Variants in CIBAR2 observed in about 807,000 individuals in gnomAD.
CIBAR2 encodes the protein CBY1 interacting BAR domain containing 2.
CIBAR2 carries 38 observed loss-of-function variants against 36.2 expected under a neutral mutation model. The ratio of observed to expected loss-of-function variants is 1.05; its 90% CI spans 0.81 to 1.38. CIBAR2 has a LOEUF of 1.38. CIBAR2 is among the 40% of genes most tolerant of loss of function. CIBAR2 has a pLI of 0.00. For missense variants in CIBAR2, 481 were observed against 383.4 expected (o/e 1.25, Z -2.13); for synonymous variants, 182 against 149.5 (o/e 1.22, Z -1.58).
At chr16:85,106,907 G>C (rs77381973) in intron 5 of CIBAR2, among the ~76,000 whole-genome samples, 2,895 of 152,230 alleles carry the variant, frequency 0.019, 27 homozygotes, top group Non-Finnish European at 0.027. Flanking sequence ...GCATGTTGGA[G>C]GCCTGAGGCA....
Position 85,103,198 on chromosome 16 carries a change from G to A in CIBAR2, c.538-871C>T, listed in dbSNP as rs150843741. On this transcript the variant is annotated intron_variant, in intron 6 of 8. Transcript: ENST00000539556. ...GATTAGTGCCCTTGTAAAAAAGACT[G>A]GAGGGAGCTTTTCTGCCCCTTCTGC... Among the ~76,000 whole-genome samples the A allele has an allele frequency of 7.4e-3, 1,126 of 152,280 alleles. 5 individuals carry two copies. The highest frequency in any genetic ancestry group is 0.022 in the South Asian group (104 of 4,826).
At position 85,102,468 on chromosome 16, in the gene CIBAR2, AT is replaced by A; in HGVS notation, c.538-142del. The A allele has an allele frequency of 9.7e-6, 6 of 617,492 alleles. No homozygotes were observed. The South Asian group carries it at 1.1e-4, about 12-fold the overall frequency. The allele number at this position is 617,492 out of a possible 1,614,324, so 38.3% of individuals were successfully genotyped here. ...CCCAGGTGGGGAGTTTCGACATGTT[AT>A]TTTAAACTTATTTTTCTTTCATAGA... On this transcript the variant is annotated intron_variant, in intron 6 of 8. Coordinates refer to ENST00000539556, the MANE Select transcript of CIBAR2 (RefSeq NM_198491.3).
Position 85,100,152 on chromosome 16 carries a change from GACTGAAGA to G in CIBAR2, c.732_739del (p.Leu245SerfsTer13). The G allele has an allele frequency of 6.2e-7, 1 of 1,610,354 alleles. No individual in the cohort carries two copies. Among genetic ancestry groups the G allele is most frequent in the Non-Finnish European group, 8.5e-7 (1 of 1,178,586 alleles). ...CCACACGCTCACCTGGCTGGCGAGA[GACTGAAGA>G]ACAGATGGAGGGGGGCTGGTGTTGG... is the stretch of plus-strand genomic sequence containing the variant. On this transcript the variant is annotated frameshift_variant, in exon 8 of 9. Transcript: ENST00000539556. LOFTEE classifies it low-confidence loss of function (END_TRUNC).
chr16:85,111,020 G>A (rs937993141), intron 1 of CIBAR2, among the ~76,000 whole-genome samples: 1 of 152,040 alleles, frequency 6.6e-6, no homozygotes, highest in Non-Finnish European at 1.5e-5. Flanking sequence ...TCACCTTTAA[G>A]GGCTCCCAAT....
intron 5 of CIBAR2, 35 bp from the exon 6 acceptor site, chr16:85,105,466 TG>T (rs2073989054): frequency 6.6e-7 from 1 of 1,516,200 alleles, no homozygotes; most frequent in Non-Finnish European, 9.2e-7. Flanking sequence ...GAAAGTGTCA[TG>T]GGGGTGCTTC....
intron 4 of CIBAR2, 51 bp from the exon 5 acceptor site, chr16:85,107,723 G>T (rs1405497961): frequency 1.2e-6 from 2 of 1,612,064 alleles, no homozygotes; most frequent in Non-Finnish European, 1.7e-6. Context: ...AGCCCCGTTG[G>T]GGTGGTCCGC....
At position 85,101,919 on chromosome 16, in the gene CIBAR2, C is replaced by T. The variant is rs556736561; in HGVS notation, c.651+295G>A. ...CTGACCTCAGGTGATCCGCCTACCT[C>T]GGCCTCCCAAAGTGCTGGGATTACG... On this transcript the variant is annotated intron_variant, in intron 7 of 8. Transcript: ENST00000539556. 3.3e-5 allele frequency among the ~76,000 whole-genome samples: 5 copies of T among 152,238 alleles called. No homozygotes were observed. In the South Asian group the frequency reaches 6.2e-4, roughly 19 times the overall value.
chr16:85,100,336 G>A (rs935824190), intron 7 of CIBAR2, 96 bp from the exon 8 acceptor site: 20 of 713,016 alleles, frequency 2.8e-5, no homozygotes, highest in East Asian at 5.6e-5. Flanking sequence ...GAGAAGGCCC[G>A]AGACAGCTAA....
chr16:85,107,675 G>A lies in CIBAR2; in HGVS notation c.427-3C>T. ...AGACATGTGACACTCACCTGGGACT[G>A]AAAAACGTGCTGTTAAGGAACCAAG... On this transcript the variant is annotated splice_region_variant and splice_polypyrimidine_tract_variant and intron_variant, in intron 4 of 8. Transcript: ENST00000539556. 1 of 1,613,986 alleles carries A rather than the reference G, an allele frequency of 6.2e-7. No homozygotes were observed. The highest frequency in any genetic ancestry group is 8.5e-7 in the Non-Finnish European group (1 of 1,179,950).
chr16:85,107,624 T>C (rs1372076723), intron 5 of CIBAR2, 43 bp downstream of exon 5: 1 of 1,608,674 alleles, frequency 6.2e-7, no homozygotes, highest in Admixed American at 1.7e-5. Flanking sequence ...GTGTATTTCC[T>C]ACGTGTGATT....
intron 5 of CIBAR2, 111 bp downstream of exon 5, chr16:85,107,556 G>T: frequency 8.2e-7 from 1 of 1,215,820 alleles, no homozygotes; most frequent in South Asian, 1.2e-5. Context: ...CTGAGCGCAA[G>T]GTCCTGCACA....
chr16:85,100,144 T>C lies in CIBAR2; in HGVS notation c.748A>G (p.Ser250Gly), dbSNP rs1161096504. The C allele has an allele frequency of 6.2e-7, 1 of 1,609,168 alleles. No individual in the cohort carries two copies. The highest frequency in any genetic ancestry group is 8.5e-7 in the Non-Finnish European group (1 of 1,177,980). ...TCACCCACCCACACGCTCACCTGGC[T>C]GGCGAGAGACTGAAGAACAGATGGA... is the stretch of plus-strand genomic sequence containing the variant. Reference protein sequence around the residue: ...PPPSVLQSLASQGTLQVQLSR... With the variant: ...PPPSVLQSLAGQGTLQVQLSR... Residue 250 changes from serine (S) to glycine (G), a missense_variant, in exon 8 of 9, where the codon AGC (serine) becomes GGC (glycine). Transcript: ENST00000539556.
rs772868767 is a variant in CIBAR2 at position 85,110,307 on chromosome 16, G to T, written c.174C>A (p.Asn58Lys). ...QLVKQLIDFA[N>K]SENPELRATM... ...TGGCCCGCAGCTCGGGGTTCTCGGA[G>T]TTGGCAAAGTCGATGAGCTGCTTGA... Residue 58 changes from asparagine (N) to lysine (K), a missense_variant, in exon 2 of 9, where the codon AAC becomes AAA. Asn to Lys is a moderately conservative substitution (Grantham distance 94, BLOSUM62 0). Coordinates refer to ENST00000539556, the MANE Select transcript of CIBAR2 (RefSeq NM_198491.3). The T allele has an allele frequency of 6.2e-7, 1 of 1,612,132 alleles. No individual in the cohort carries two copies. The highest frequency in any genetic ancestry group is 1.1e-5 in the South Asian group (1 of 90,922).
chr16:85,104,128 A>G (rs2144160916), intron 6 of CIBAR2, among the ~76,000 whole-genome samples: 1 of 152,346 alleles, frequency 6.6e-6, no homozygotes, highest in African/African-American at 2.4e-5. Flanking sequence ...GTGTATAAAC[A>G]AGGGGCCTGA....
At position 85,100,247 on chromosome 16, in the gene CIBAR2, G is replaced by T; in HGVS notation, c.652-7C>A. Reference sequence around the variant, plus strand: ...GCATCTTGGCTCTAAAATCCTGCCGGGGAGAGACCAGGGTGGGTGGGATCC... The same window carrying T: ...GCATCTTGGCTCTAAAATCCTGCCGTGGAGAGACCAGGGTGGGTGGGATCC... On this transcript the variant is annotated splice_polypyrimidine_tract_variant and splice_region_variant and intron_variant, in intron 7 of 8. Coordinates refer to ENST00000539556, the MANE Select transcript of CIBAR2 (RefSeq NM_198491.3). 6.3e-7 allele frequency: 1 copy of T among 1,599,444 alleles called. No individual in the cohort carries two copies.
rs570749323 is a variant in CIBAR2, at chr16:85,098,637, C to T, written c.*548G>A. 444 of 985,582 alleles carry T rather than the reference C, an allele frequency of 4.5e-4. No individual in the cohort carries two copies. The African/African-American group carries it at 7.2e-3, about 16-fold the overall frequency. 61.1% of individuals were successfully genotyped at this position (985,582 alleles called of 1,614,324 possible). On this transcript the variant is annotated 3_prime_UTR_variant, in exon 9 of 9. Coordinates refer to ENST00000539556, the MANE Select transcript of CIBAR2 (RefSeq NM_198491.3). ...CCTCCTCCATGGAGTTGTCCTCACT[C>T]TCCTCCCCTTCTTTTCCTGGGCTCC...
intron 8 of CIBAR2, among the ~76,000 whole-genome samples, 173 bp downstream of exon 8, chr16:85,099,966 C>A (rs1486273436): frequency 6.6e-6 from 1 of 151,918 alleles, no homozygotes; most frequent in Admixed American, 6.6e-5. Flanking sequence ...AGGCAAAGTT[C>A]TGGTCAGACC....
At position 85,105,318 on chromosome 16, in the gene CIBAR2, C is replaced by A. The variant is rs1299585529; in HGVS notation, c.537+9G>T. On this transcript the variant is annotated intron_variant, in intron 6 of 8. Transcript: ENST00000539556. The stretch of plus-strand genomic sequence containing the variant: ...CAGGGCGCCTCCCATCCCGGCCAAC[C>A]ACCCTCACCTGCAGGTCCTTGAGCT... 1.9e-6 allele frequency: 3 copies of A among 1,597,808 alleles called. No individual in the cohort carries two copies. The highest frequency in any genetic ancestry group is 2.6e-6 in the Non-Finnish European group (3 of 1,167,676).
chr16:85,099,339 A>G lies in CIBAR2; in HGVS notation c.761T>C (p.Leu254Pro), dbSNP rs143200864. 2 of 1,541,558 alleles carry G rather than the reference A, an allele frequency of 1.3e-6. No individual in the cohort carries two copies. Among genetic ancestry groups the G allele is most frequent in the African/African-American group, 2.7e-5 (2 of 73,488 alleles). ...VLQSLASQGTLQVQLSRANED... is the reference protein window; with the variant it reads ...VLQSLASQGTPQVQLSRANED... ...ATTTGCCCTACTCAGCTGGACCTGC[A>G]GAGTTCCCTGCAGAAATATAAATGC... Residue 254 changes from leucine (L) to proline (P), a missense_variant, in exon 9 of 9, where the codon CTG becomes CCG. Transcript: ENST00000539556.
Sources: gnomAD v4.1 joint callset for allele counts (sites outside exome capture counted in the v4.1 genomes callset) on GRCh38, gnomAD v4.1.1 for gene constraint, MANE v1.5 for transcripts, NCBI Gene and HGNC (gene_info 2026-07-23, HGNC 2026-07-21) for gene names.